Variants in NADSYN1 observed in about 807,000 individuals in gnomAD.
NADSYN1 encodes the protein glutamine-dependent NAD(+) synthetase.
Under a neutral mutation model 99.3 loss-of-function variants are expected in NADSYN1, and 80 were observed. The observed-to-expected ratio is 0.81, with a 90% CI of 0.67 to 0.97. The LOEUF (loss-of-function observed/expected upper bound fraction) is 0.97. Among genes scored for constraint, NADSYN1 ranks in the 50% least tolerant of loss-of-function variants. NADSYN1 has a pLI of 0.00. For synonymous variants in NADSYN1, 385 were observed against 372.1 expected, an observed-to-expected ratio of 1.03 and a Z score of -0.40; for missense variants, 859 against 948.5, an observed-to-expected ratio of 0.91 and a Z score of 1.24.
intron 9 of NADSYN1, 163 bp downstream of exon 9, chr11:71,474,689 G>C (rs1009612444): frequency 1.2e-6 from 1 of 860,028 alleles, no homozygotes; most frequent in Admixed American, 2.2e-5. Context: ...CGCTTAGTGA[G>C]GGCCCCTGTG....
chr11:71,483,007 C>A lies in NADSYN1; in HGVS notation c.1309C>A (p.Gln437Lys), dbSNP rs757986804. Residue 437 changes from glutamine to lysine, a missense_variant, in exon 14 of 21, where the codon CAG becomes AAG. Physicochemically the swap from Gln to Lys is moderately conservative, Grantham distance 53 (BLOSUM62 1). Transcript: ENST00000319023. ...TCTRARELAQ[Q>K]IGSHHISLNI... ...CACCCGGGCCAGAGAGTTGGCCCAG[C>A]AGATTGGAAGGTAGAGTTGGTCCCT... 1.2e-6 allele frequency: 2 copies of A among 1,612,034 alleles called. No individual in the cohort carries two copies. Among genetic ancestry groups the A allele is most frequent in the South Asian group, 2.2e-5 (2 of 91,000 alleles).
chr11:71,462,329 G>A (rs757874135), intron 3 of NADSYN1, among the ~76,000 whole-genome samples: 2 of 152,162 alleles, frequency 1.3e-5, no homozygotes, highest in Admixed American at 6.5e-5. Context: ...TCCACAACCC[G>A]CTATCATAAC....
chr11:71,486,359 G>C (rs1565605093), intron 16 of NADSYN1, among the ~76,000 whole-genome samples: 1 of 150,926 alleles, frequency 6.6e-6, no homozygotes, highest in South Asian at 2.1e-4. Context: ...ATCCATCTAT[G>C]TATCCACCCA....
At chr11:71,483,956 G>T (rs1056670485) in intron 14 of NADSYN1, among the ~76,000 whole-genome samples, 4 of 152,222 alleles carry the variant, frequency 2.6e-5, no homozygotes, top group African/African-American at 7.2e-5. Context: ...AGGCCACATG[G>T]TGTTTGATTC....
chr11:71,455,714 C>G (rs1440387906), intron 2 of NADSYN1, among the ~76,000 whole-genome samples: 1 of 152,208 alleles, frequency 6.6e-6, no homozygotes, highest in Non-Finnish European at 1.5e-5. Flanking sequence ...GTGGGCTTCC[C>G]AGCCTCCAGA....
At chr11:71,488,276 A>G (rs1438795155) in intron 16 of NADSYN1, among the ~76,000 whole-genome samples, 1 of 151,912 alleles carries the variant, frequency 6.6e-6, no homozygotes, top group East Asian at 1.9e-4. Flanking sequence ...TAACATGTGT[A>G]TTGTAGGAAA....
chr11:71,459,052 G>A (rs538933486), intron 3 of NADSYN1: 113 of 161,354 alleles, frequency 7.0e-4, no homozygotes, highest in Admixed American at 2.7e-3. Flanking sequence ...CTGCATAGCC[G>A]GTCCCTATGG....
At chr11:71,471,516 G>A (rs544196199) in intron 5 of NADSYN1, among the ~76,000 whole-genome samples, 53 of 152,330 alleles carry the variant, frequency 3.5e-4, no homozygotes, top group Admixed American at 3.3e-3. Context: ...TGCCTGTCCC[G>A]CTGGGTCTTT....
chr11:71,476,611 A>G (rs2120456331), intron 9 of NADSYN1: 2 of 976,826 alleles, frequency 2.0e-6, no homozygotes, highest in Non-Finnish European at 2.4e-6. Context: ...TCCACATGAC[A>G]GTGTCCCCAG....
intron 16 of NADSYN1, among the ~76,000 whole-genome samples, chr11:71,490,585 C>T (rs1338835910): frequency 2.6e-5 from 4 of 152,344 alleles, no homozygotes; most frequent in South Asian, 4.1e-4. Flanking sequence ...TCTGTTCAGA[C>T]GACTGCTCCC....
In NADSYN1 at chr11:71,483,034, G is replaced by C; in HGVS notation, c.1319+17G>C. 6.2e-7 allele frequency: 1 copy of C among 1,611,382 alleles called. No homozygotes were observed. The highest frequency in any genetic ancestry group is 8.5e-7 in the Non-Finnish European group (1 of 1,179,382). ...GATTGGAAGGTAGAGTTGGTCCCTG[G>C]TATTGGGCATGGCAGGTGGCTGACA... On this transcript the variant is annotated intron_variant, in intron 14 of 20. Transcript: ENST00000319023.
intron 16 of NADSYN1, among the ~76,000 whole-genome samples, chr11:71,486,482 C>G (rs1949744027): frequency 6.6e-6 from 1 of 151,178 alleles, no homozygotes; most frequent in Non-Finnish European, 1.5e-5. Flanking sequence ...CACTCACCCA[C>G]TCATCCATCC....
chr11:71,477,324 C>G, intron 9 of NADSYN1: 1 of 1,288,372 alleles, frequency 7.8e-7, no homozygotes, highest in Non-Finnish European at 1.0e-6. Flanking sequence ...TTCACACGGA[C>G]CGTGGCTTTC....
At chr11:71,467,523 TGATGA>T (rs1209721628) in intron 5 of NADSYN1, among the ~76,000 whole-genome samples, 1 of 151,986 alleles carries the variant, frequency 6.6e-6, no homozygotes, top group African/African-American at 2.4e-5. Flanking sequence ...TGAAGTAAAT[TGATGA>T]GAAGCTCAAA....
chr11:71,479,544 C>G (rs1591130188), intron 10 of NADSYN1: 1 of 152,272 alleles, frequency 6.6e-6, no homozygotes, highest in East Asian at 1.9e-4. Flanking sequence ...GAAACTGTAC[C>G]CATTATGCAC....
At chr11:71,485,374 G>A (rs1229220213) in intron 15 of NADSYN1, 168 bp from the exon 16 acceptor site, 7 of 521,424 alleles carry the variant, frequency 1.3e-5, no homozygotes, top group South Asian at 9.7e-5. Flanking sequence ...GGACCACCCC[G>A]AGAGGAAGGC....
chr11:71,483,464 C>T lies in NADSYN1; in HGVS notation c.1319+447C>T, dbSNP rs549544386. 4.6e-5 allele frequency among the ~76,000 whole-genome samples: 7 copies of T among 152,298 alleles called. No homozygotes were observed. The South Asian group carries it at 8.3e-4, about 18-fold the overall frequency. The stretch of plus-strand genomic sequence containing the variant: ...CCTGGGAGTTGGCTGCAGGCTGGCT[C>T]CTACCCCTCCTCCTTTCTCTTCCCC... On this transcript the variant is annotated intron_variant, in intron 14 of 20. Transcript: ENST00000319023.
intron 5 of NADSYN1, among the ~76,000 whole-genome samples, chr11:71,471,634 C>T (rs1409252113): frequency 6.6e-6 from 1 of 152,174 alleles, no homozygotes; most frequent in Non-Finnish European, 1.5e-5. Flanking sequence ...GCAGCAGCAT[C>T]GCCGTCAACA....
intron 6 of NADSYN1, among the ~76,000 whole-genome samples, chr11:71,472,969 C>G (rs4402322): frequency 0.28 from 42,830 of 152,192 alleles, 6,544 homozygotes; most frequent in South Asian, 0.46. Context: ...AGTGTGATCA[C>G]AGGACAGGGT....
Sources: allele counts gnomAD v4.1 joint callset (sites outside exome capture counted in the v4.1 genomes callset), GRCh38; gene constraint gnomAD v4.1.1; transcripts MANE v1.5; gene names NCBI Gene and HGNC (gene_info 2026-07-23, HGNC 2026-07-21).